Variants in CTNNA3 observed in about 807,000 individuals in gnomAD.
The protein encoded by CTNNA3 is catenin alpha-3.
CTNNA3 carries 76 observed loss-of-function variants against 95.7 expected under a neutral mutation model. That is an observed-to-expected ratio of 0.79 (90% confidence interval 0.66 to 0.96). CTNNA3 has a LOEUF of 0.96. CTNNA3 is among the 40% of genes least tolerant of loss of function. CTNNA3 has a pLI of 0.00. For missense variants in CTNNA3, 1,191 were observed against 1,089.8 expected (o/e 1.09, Z -1.31); for synonymous variants, 431 against 374.4 (o/e 1.15, Z -1.74).
At chr10:66,705,617 G>T (rs1030399191) in intron 9 of CTNNA3, among the ~76,000 whole-genome samples, 4 of 152,120 alleles carry the variant, frequency 2.6e-5, no homozygotes, top group African/African-American at 9.6e-5. Context: ...AGATTGAGGT[G>T]TTGACATCTC....
chr10:67,029,357 T>C (rs1853581056), intron 7 of CTNNA3, among the ~76,000 whole-genome samples: 2 of 152,192 alleles, frequency 1.3e-5, no homozygotes, highest in Admixed American at 6.5e-5. Context: ...ATGGATATTT[T>C]GGAGCTGGTT....
intron 5 of CTNNA3, among the ~76,000 whole-genome samples, chr10:67,492,239 T>C (rs1421015979): frequency 6.6e-6 from 1 of 151,100 alleles, no homozygotes; most frequent in Non-Finnish European, 1.5e-5. Context: ...AGGAGAAAAA[T>C]TGGGAGAAAA....
intron 11 of CTNNA3, among the ~76,000 whole-genome samples, chr10:66,466,477 T>C (rs1303313807): frequency 1.3e-5 from 2 of 151,956 alleles, no homozygotes; most frequent in African/African-American, 2.4e-5. Flanking sequence ...ACGTGACCTA[T>C]AAATTCCTCA....
intron 10 of CTNNA3, among the ~76,000 whole-genome samples, chr10:66,568,506 T>C (rs951513985): frequency 6.6e-6 from 1 of 152,114 alleles, no homozygotes; most frequent in Non-Finnish European, 1.5e-5. Flanking sequence ...CTGGAAATGA[T>C]TGAATAATTT....
chr10:66,877,627 C>A (rs1330275423), intron 7 of CTNNA3, among the ~76,000 whole-genome samples: 3 of 152,130 alleles, frequency 2.0e-5, no homozygotes, highest in Non-Finnish European at 2.9e-5. Flanking sequence ...ATGAGGAAGT[C>A]TTTCTAAGAA....
chr10:66,621,451 C>T (rs1264566212), intron 10 of CTNNA3, among the ~76,000 whole-genome samples: 1 of 151,612 alleles, frequency 6.6e-6, no homozygotes, highest in Non-Finnish European at 1.5e-5. Context: ...TGGTGAAACC[C>T]CATCTCTATT....
At chr10:66,384,298 T>A (rs926735532) in intron 11 of CTNNA3, among the ~76,000 whole-genome samples, 3 of 152,140 alleles carry the variant, frequency 2.0e-5, no homozygotes, top group African/African-American at 7.2e-5. Flanking sequence ...GTTGCAATCC[T>A]AGTCTCTGAT....
At chr10:66,870,838 C>T (rs1589360433) in intron 7 of CTNNA3, among the ~76,000 whole-genome samples, 1 of 152,072 alleles carries the variant, frequency 6.6e-6, no homozygotes, top group East Asian at 1.9e-4. Flanking sequence ...ACCATAGATT[C>T]TCATACCTAA....
At chr10:65,947,992 G>A (rs1039265337) in intron 17 of CTNNA3, among the ~76,000 whole-genome samples, 1 of 152,198 alleles carries the variant, frequency 6.6e-6, no homozygotes, top group Non-Finnish European at 1.5e-5. Context: ...AATACCATGT[G>A]CGCGGCCAGG....
At chr10:67,722,542 G>T (rs7079158) in intron 1 of CTNNA3, among the ~76,000 whole-genome samples, 18,966 of 152,128 alleles carry the variant, frequency 0.12, 1,763 homozygotes, top group African/African-American at 0.27. Flanking sequence ...GGCTGAAGAG[G>T]TTTAATTAGA....
At chr10:67,545,641 A>C (rs1840824844) in intron 3 of CTNNA3, among the ~76,000 whole-genome samples, 1 of 152,154 alleles carries the variant, frequency 6.6e-6, no homozygotes, top group African/African-American at 2.4e-5. Flanking sequence ...TAAAAGATCA[A>C]GAAAGATTCT....
chr10:66,542,195 T>C (rs1192142423), intron 10 of CTNNA3, among the ~76,000 whole-genome samples: 1 of 152,060 alleles, frequency 6.6e-6, no homozygotes, highest in Non-Finnish European at 1.5e-5. Context: ...TGAGATACCA[T>C]CTCACACCAG....
chr10:66,092,015 T>C (rs1330744240), intron 14 of CTNNA3, among the ~76,000 whole-genome samples: 3 of 151,916 alleles, frequency 2.0e-5, no homozygotes, highest in Non-Finnish European at 2.9e-5. Flanking sequence ...TTTCACCATC[T>C]CCAGACTGCT....
At chr10:66,463,377 C>A (rs1247664170) in intron 11 of CTNNA3, among the ~76,000 whole-genome samples, 3 of 152,288 alleles carry the variant, frequency 2.0e-5, no homozygotes, top group South Asian at 2.1e-4. Flanking sequence ...GTGGGGGCAG[C>A]CTGAGGCCCT....
At position 66,849,923 on chromosome 10, in the gene CTNNA3, C is replaced by T. The variant is rs555755616; in HGVS notation, c.1048-74399G>A. Among the ~76,000 whole-genome samples, 3 of 152,204 alleles carry T rather than the reference C, an allele frequency of 2.0e-5. No individual in the cohort carries two copies. In the South Asian group the frequency reaches 6.2e-4, roughly 32 times the overall value. ...GAAAGCTTAAATTTTTTACTTTCAA[C>T]ATTCTTACATAGCCATGAGTAAAAG... On this transcript the variant is annotated intron_variant, in intron 7 of 17. Transcript: ENST00000433211.
chr10:66,567,069 A>G (rs940775613), intron 10 of CTNNA3, among the ~76,000 whole-genome samples: 2 of 364 alleles, frequency 5.5e-3, no homozygotes, highest in Non-Finnish European at 5.1e-3. Flanking sequence ...GGGAAGGGGG[A>G]GGGAGGGAGG....
intron 5 of CTNNA3, among the ~76,000 whole-genome samples, chr10:67,317,406 C>T (rs571685243): frequency 1.4e-5 from 2 of 140,658 alleles, no homozygotes; most frequent in Non-Finnish European, 3.1e-5. Context: ...TGTTCCCCTT[C>T]CTGTGTCCAT....
intron 16 of CTNNA3, 101 bp downstream of exon 16, chr10:65,988,591 T>C (rs1282166142): frequency 5.1e-6 from 4 of 784,032 alleles, no homozygotes; most frequent in Non-Finnish European, 8.3e-6. Flanking sequence ...TTAGAAAAAA[T>C]GGTTGAAGAG....
At chr10:66,567,656 GA>G (rs1842754768) in intron 10 of CTNNA3, among the ~76,000 whole-genome samples, 1 of 151,698 alleles carries the variant, frequency 6.6e-6, no homozygotes, top group African/African-American at 2.4e-5. Flanking sequence ...AGAGAGAGAG[GA>G]AAATTTCATT....
Sources: allele counts gnomAD v4.1 joint callset (sites outside exome capture counted in the v4.1 genomes callset), GRCh38; gene constraint gnomAD v4.1.1; transcripts MANE v1.5; gene names NCBI Gene and HGNC (gene_info 2026-07-23, HGNC 2026-07-21).